Variants in DHTKD1 observed in about 807,000 individuals in gnomAD.
The protein encoded by DHTKD1 is 2-oxoadipate dehydrogenase complex component E1.
DHTKD1 carries 78 observed loss-of-function variants against 101.8 expected under a neutral mutation model. The ratio of observed to expected loss-of-function variants is 0.77; its 90% confidence interval spans 0.64 to 0.93. The LOEUF (loss-of-function observed/expected upper bound fraction) is 0.93, where lower values mean the gene tolerates loss of function less well. Ranked by LOEUF, DHTKD1 falls within the 40% of genes least tolerant of loss-of-function variation. DHTKD1 has a pLI of 0.00. For synonymous variants in DHTKD1, 462 were observed against 450.3 expected, an observed-to-expected ratio of 1.03 and a Z score of -0.33; for missense variants, 1,223 against 1,161.7, an observed-to-expected ratio of 1.05 and a Z score of -0.77.
chr10:12,075,790 T>C (rs935107487), intron 1 of DHTKD1, among the ~76,000 whole-genome samples: 10 of 152,302 alleles, frequency 6.6e-5, no homozygotes, highest in African/African-American at 2.4e-4. Flanking sequence ...TTTCATTCTT[T>C]ATTATAAAGG....
intron 5 of DHTKD1, among the ~76,000 whole-genome samples, chr10:12,090,425 C>CT (rs370017338): frequency 0.39 from 17,496 of 44,674 alleles, 1,669 homozygotes; most frequent in Non-Finnish European, 0.48. Context: ...TCCTTCCTTC[C>CT]TTTTTCCTTC....
chr10:12,094,277 A>T lies in DHTKD1; in HGVS notation c.1358+6A>T. The T allele has an allele frequency of 6.2e-7, 1 of 1,612,858 alleles. No homozygotes were observed. Among genetic ancestry groups the T allele is most frequent in the Non-Finnish European group, 8.5e-7 (1 of 1,178,804 alleles). On this transcript the variant is annotated splice_donor_region_variant and intron_variant, in intron 7 of 16. Coordinates refer to ENST00000263035, the MANE Select transcript of DHTKD1 (RefSeq NM_018706.7). ...ATCATGTACAAAATCATCAGGTACA[A>T]TTATAAACCCTTGTGTGATATGCCC...
intron 5 of DHTKD1, among the ~76,000 whole-genome samples, chr10:12,091,024 C>T (rs978528497): frequency 2.6e-5 from 4 of 151,136 alleles, no homozygotes; most frequent in Non-Finnish European, 4.4e-5. Context: ...ACCGCACTCC[C>T]GCCTGGGCAA....
rs1564385078 is a variant in DHTKD1 at position 12,069,030 on chromosome 10, G to T, written c.-4G>T. ...TAGCATGCTGGCCGGGACATCTGGTGAACATGGCCTCTGCTACTGCGGCAG... is the reference window on the plus strand; with the variant it reads ...TAGCATGCTGGCCGGGACATCTGGTTAACATGGCCTCTGCTACTGCGGCAG... On this transcript the variant is annotated 5_prime_UTR_variant, in exon 1 of 17. An upstream open reading frame in the 5' UTR gains an earlier in-frame stop. Coordinates refer to ENST00000263035, the MANE Select transcript of DHTKD1 (RefSeq NM_018706.7). 2 of 1,613,130 alleles carry T rather than the reference G, an allele frequency of 1.2e-6. No homozygotes were observed. The highest frequency in any genetic ancestry group is 1.1e-5 in the South Asian group (1 of 91,034).
rs149888454 is a variant in DHTKD1, at chr10:12,088,220, G to C, written c.717+491G>C. ...TACCTGCAATCCCAGCACTTTGGGA[G>C]GCTAAGGCAAGAGGAGTGCTTGAGC... On this transcript the variant is annotated intron_variant, in intron 4 of 16. Coordinates refer to ENST00000263035, the MANE Select transcript of DHTKD1 (RefSeq NM_018706.7). Among the ~76,000 whole-genome samples, 564 of 152,308 alleles carry C rather than the reference G, an allele frequency of 3.7e-3. 2 individuals carry two copies. The highest frequency in any genetic ancestry group is 0.013 in the African/African-American group (541 of 41,586).
At chr10:12,109,505 C>T (rs890137486) in intron 12 of DHTKD1, among the ~76,000 whole-genome samples, 1 of 150,976 alleles carries the variant, frequency 6.6e-6, no homozygotes, top group Non-Finnish European at 1.5e-5. Flanking sequence ...AAGAAGTCAT[C>T]GAAGCAGCGA....
In DHTKD1 at chr10:12,081,506, T is replaced by TA; in HGVS notation, c.189_190insA (p.Cys64MetfsTer2). 1 of 1,614,128 alleles carries TA rather than the reference T, an allele frequency of 6.2e-7. No individual in the cohort carries two copies. The highest frequency in any genetic ancestry group is 1.1e-5 in the South Asian group (1 of 91,084). ...GCCTTGCCAGGTTGGTGACAGTATA[T>TA]TGTGAGCATGGTCATAAAGCTGCCA... On this transcript the variant is annotated frameshift_variant, in exon 2 of 17. Transcript: ENST00000263035. LOFTEE classifies it high-confidence loss of function.
chr10:12,112,407 G>A (rs1833347267), intron 12 of DHTKD1, among the ~76,000 whole-genome samples: 1 of 152,004 alleles, frequency 6.6e-6, no homozygotes, highest in Admixed American at 6.6e-5. Context: ...TCAGCTTTCT[G>A]TCCCACCAGG....
At chr10:12,095,678 TG>T (rs1833054570) in intron 7 of DHTKD1, among the ~76,000 whole-genome samples, 1 of 151,032 alleles carries the variant, frequency 6.6e-6, no homozygotes, top group Non-Finnish European at 1.5e-5. Context: ...CCGGGCGTGG[TG>T]GCGGGCGCCT....
chr10:12,069,733 C>G (rs556250864), intron 1 of DHTKD1, among the ~76,000 whole-genome samples: 1 of 124,748 alleles, frequency 8.0e-6, no homozygotes, highest in South Asian at 3.0e-4. Flanking sequence ...AGATGGGGTC[C>G]CACCATGTTG....
intron 12 of DHTKD1, among the ~76,000 whole-genome samples, chr10:12,109,738 A>G (rs1337007747): frequency 6.7e-6 from 1 of 149,874 alleles, no homozygotes; most frequent in Admixed American, 6.7e-5. Context: ...CCGAGGTGGG[A>G]GGATCACTTG....
chr10:12,079,207 CTT>C (rs1477567616), intron 1 of DHTKD1, among the ~76,000 whole-genome samples: 1 of 152,144 alleles, frequency 6.6e-6, no homozygotes, highest in African/African-American at 2.4e-5. Flanking sequence ...CCCTCAGCCT[CTT>C]GGGTAGTTGG....
At position 12,114,407 on chromosome 10, in the gene DHTKD1, C is replaced by T. The variant is rs529546541; in HGVS notation, c.2319+1343C>T. Among the ~76,000 whole-genome samples, 653 of 151,972 alleles carry T rather than the reference C, an allele frequency of 4.3e-3. 7 individuals carry two copies. Among genetic ancestry groups the T allele is most frequent in the African/African-American group, 0.012 (489 of 41,456 alleles). ...CAACTCCCGGGTTCAAGCGATTCTC[C>T]TGCCTCAGCCTCCTGAGTAGCTGGG... On this transcript the variant is annotated intron_variant, in intron 13 of 16. Transcript: ENST00000263035.
chr10:12,120,346 T>G, intron 16 of DHTKD1, 79 bp downstream of exon 16: 2 of 1,325,012 alleles, frequency 1.5e-6, no homozygotes, highest in Non-Finnish European at 1.1e-6. Flanking sequence ...TTTCTTTTTT[T>G]TTTTTGAGAC....
At chr10:12,090,428 TTTCCTTCCTTCCTTCCTTCCTTCC>T (rs57839020) in intron 5 of DHTKD1, among the ~76,000 whole-genome samples, 14 of 119,860 alleles carry the variant, frequency 1.2e-4, no homozygotes, top group South Asian at 5.3e-4. Flanking sequence ...TTCCTTCCTT[TTTCCTTCCTTCCTTCCTTCCTTCC>T]TTCCTTCCTT....
At position 12,089,214 on chromosome 10, in the gene DHTKD1, G is replaced by A; in HGVS notation, c.946G>A (p.Asp316Asn). 6.2e-7 allele frequency: 1 copy of A among 1,614,174 alleles called. No homozygotes were observed. The highest frequency in any genetic ancestry group is 8.5e-7 in the Non-Finnish European group (1 of 1,180,030). Residue 316 changes from aspartate (D) to asparagine (N), a missense_variant, in exon 5 of 17, where the codon GAC becomes AAC. Asp to Asn is a conservative substitution (Grantham distance 23, BLOSUM62 1). Transcript: ENST00000263035. ...QSRQDGDYSP[D>N]NSAQPGDRVI... is the part of the protein sequence containing the mutation. The stretch of plus-strand genomic sequence containing the variant: ...TCGCCAAGACGGCGATTACTCTCCA[G>A]ACAACTCAGCCCAGCCGGGGGACAG...
chr10:12,105,188 A>G (rs183517481), intron 10 of DHTKD1, among the ~76,000 whole-genome samples: 184 of 152,152 alleles, frequency 1.2e-3, no homozygotes, highest in Admixed American at 3.4e-3. Flanking sequence ...TAAAATTTGT[A>G]TTCTGCTTTT....
In DHTKD1 at chr10:12,097,819, C is replaced by T; in HGVS notation, c.1494C>T (p.Tyr498=). The change falls in exon 8 of 17, where the codon TAC becomes TAT. Residue 498 remains tyrosine (Y), a synonymous_variant. Transcript: ENST00000263035. The part of the protein sequence containing the change: ...LNDHLNNMAH[Y]RPPALNLQAH... ...ATCACTTAAATAACATGGCCCACTA[C>T]AGGCCCCCTGCCCTGAACCTGCAGG... 6.2e-7 allele frequency: 1 copy of T among 1,614,236 alleles called. No individual in the cohort carries two copies. Among genetic ancestry groups the T allele is most frequent in the South Asian group, 1.1e-5 (1 of 91,092 alleles).
In DHTKD1 at chr10:12,094,158, C is replaced by T; in HGVS notation, c.1245C>T (p.Tyr415=). 3.1e-6 allele frequency: 5 copies of T among 1,614,134 alleles called. No homozygotes were observed. Among genetic ancestry groups the T allele is most frequent in the Non-Finnish European group, 4.2e-6 (5 of 1,180,016 alleles). Reference sequence around the variant, plus strand: ...GTGCCACACGACTGGCTTTTGAATACCAACGCCAGTTCCGCAAGGATGTGA... The same window carrying T: ...GTGCCACACGACTGGCTTTTGAATATCAACGCCAGTTCCGCAAGGATGTGA... ...VVRATRLAFE[Y]QRQFRKDVII... Residue 415 remains tyrosine, a synonymous_variant, in exon 7 of 17, where the codon TAC becomes TAT. Transcript: ENST00000263035.
Sources: allele counts gnomAD v4.1 joint callset (sites outside exome capture counted in the v4.1 genomes callset), GRCh38; gene constraint gnomAD v4.1.1; transcripts MANE v1.5; gene names NCBI Gene and HGNC (gene_info 2026-07-23, HGNC 2026-07-21).